The following PAN3 variants were observed in gnomAD, a reference collection of about 807,000 sequenced individuals.
PAN3 encodes PAN2-PAN3 deadenylation complex subunit PAN3.
A neutral mutation model predicts 96.2 loss-of-function variants in PAN3; 19 were observed. The ratio of observed to expected loss-of-function variants is 0.20; its 90% confidence interval spans 0.14 to 0.29. The LOEUF is 0.29. Ranked by LOEUF, PAN3 falls within the 10% of genes least tolerant of loss-of-function variation. The pLI, the probability that PAN3 is intolerant of heterozygous loss-of-function variation, is 1.00. For missense variants in PAN3, 882 were observed against 1,108.1 expected (o/e 0.80, Z 2.90); for synonymous variants, 433 against 406.6 (o/e 1.06, Z -0.78).
chr13:28,202,435 A>G (rs1019954156), intron 5 of PAN3, among the ~76,000 whole-genome samples: 1 of 152,126 alleles, frequency 6.6e-6, no homozygotes, highest in Non-Finnish European at 1.5e-5. Context: ...GATTTATTCT[A>G]CCTATCTGAG....
chr13:28,292,127 G>T (rs1886232), intron 18 of PAN3, among the ~76,000 whole-genome samples: 151,921 of 152,276 alleles, frequency 1, 75,784 homozygotes, highest in Middle Eastern at 1. Context: ...GAAAAATTAT[G>T]GAGCATCAAC....
intron 15 of PAN3, among the ~76,000 whole-genome samples, chr13:28,279,782 A>C (rs968141976): frequency 2.6e-5 from 4 of 151,498 alleles, no homozygotes; most frequent in Non-Finnish European, 5.9e-5. Flanking sequence ...TCTTTCTATT[A>C]ATTTATTTTT....
At chr13:28,221,907 A>T (rs1881453846) in intron 6 of PAN3, among the ~76,000 whole-genome samples, 1 of 152,154 alleles carries the variant, frequency 6.6e-6, no homozygotes, top group Non-Finnish European at 1.5e-5. Context: ...CACATCTTAA[A>T]ATTTCTTAGG....
intron 13 of PAN3, 152 bp from the exon 14 acceptor site, chr13:28,271,829 G>A: frequency 2.1e-6 from 1 of 481,154 alleles, no homozygotes; most frequent in Non-Finnish European, 3.6e-6. Context: ...TTTCTAAAAT[G>A]GTGGTTGGTG....
intron 6 of PAN3, among the ~76,000 whole-genome samples, chr13:28,245,890 T>G (rs1371609284): frequency 6.6e-6 from 1 of 152,152 alleles, no homozygotes; most frequent in African/African-American, 2.4e-5. Context: ...ATTATGTGGA[T>G]ATATCATATT....
At chr13:28,277,925 T>A (rs1887190671) in intron 15 of PAN3, among the ~76,000 whole-genome samples, 1 of 152,194 alleles carries the variant, frequency 6.6e-6, no homozygotes, top group African/African-American at 2.4e-5. Context: ...ATCTTAACGC[T>A]CCAGAGAATC....
At chr13:28,215,632 T>A in intron 5 of PAN3, 1 of 1,216,226 alleles carries the variant, frequency 8.2e-7, no homozygotes. Flanking sequence ...TTTGCTGAGC[T>A]GAAGGTAAAG....
intron 4 of PAN3, among the ~76,000 whole-genome samples, chr13:28,192,411 A>C (rs1208918176): frequency 6.6e-6 from 1 of 152,152 alleles, no homozygotes; most frequent in Non-Finnish European, 1.5e-5. Context: ...TTTTGTTCTC[A>C]AACTTCACCT....
intron 17 of PAN3, among the ~76,000 whole-genome samples, chr13:28,286,295 C>T (rs992489243): frequency 6.6e-6 from 1 of 152,174 alleles, no homozygotes; most frequent in Non-Finnish European, 1.5e-5. Flanking sequence ...ATCCAGCACT[C>T]CTCAGCTCTT....
At chr13:28,189,600 A>G (rs186077460) in intron 4 of PAN3, among the ~76,000 whole-genome samples, 1 of 151,838 alleles carries the variant, frequency 6.6e-6, no homozygotes, top group Non-Finnish European at 1.5e-5. Flanking sequence ...AGGACTTGCG[A>G]TGCTGAATTT....
chr13:28,234,575 A>AGAG, intron 6 of PAN3, among the ~76,000 whole-genome samples: 1 of 152,220 alleles, frequency 6.6e-6, no homozygotes, highest in Non-Finnish European at 1.5e-5. Context: ...AAAATCTCTT[A>AGAG]ATTGCCTTAG....
At chr13:28,228,116 A>G (rs1472625141) in intron 6 of PAN3, among the ~76,000 whole-genome samples, 1 of 152,072 alleles carries the variant, frequency 6.6e-6, no homozygotes, top group Non-Finnish European at 1.5e-5. Flanking sequence ...CAATGTGCCT[A>G]CTCAGTGGAG....
intron 4 of PAN3, among the ~76,000 whole-genome samples, chr13:28,181,236 C>G (rs9319419): frequency 0.46 from 70,276 of 151,906 alleles, 19,895 homozygotes; most frequent in Admixed American, 0.62. Context: ...CAGTCTGTTA[C>G]AATGGCTCAT....
intron 15 of PAN3, 26 bp downstream of exon 15, chr13:28,277,402 T>C: frequency 6.3e-7 from 1 of 1,590,814 alleles, no homozygotes; most frequent in Non-Finnish European, 8.6e-7. Context: ...TGATAAATTG[T>C]ACAGAATGAT....
Position 28,293,426 on chromosome 13 carries a change from G to A in PAN3, c.*904G>A, listed in dbSNP as rs74043705. On this transcript the variant is annotated 3_prime_UTR_variant, in exon 19 of 19. Transcript: ENST00000380958. ...TTTTTTTTTTTTTTTTGGGCGGGGGGGAGGTTTATGAAGTTTTGCTCTTTG... is the reference window on the plus strand; with the variant it reads ...TTTTTTTTTTTTTTTTGGGCGGGGGAGAGGTTTATGAAGTTTTGCTCTTTG... The A allele has an allele frequency of 0.046, 5,970 of 131,172 alleles. 215 individuals are homozygous for A. Among genetic ancestry groups the A allele is most frequent in the South Asian group, 0.1 (379 of 3,792 alleles). The allele number at this position is 131,172 out of a possible 1,614,324, so 8.1% of individuals were successfully genotyped here.
intron 1 of PAN3, 132 bp downstream of exon 1, chr13:28,139,219 C>T (rs867713040): frequency 6.3e-5 from 67 of 1,056,242 alleles, no homozygotes; most frequent in South Asian, 9.3e-5. Flanking sequence ...GTCTGAGAGG[C>T]CTAGGCCGGG....
intron 17 of PAN3, among the ~76,000 whole-genome samples, chr13:28,283,479 G>A (rs2138732365): frequency 6.6e-6 from 1 of 152,168 alleles, no homozygotes; most frequent in African/African-American, 2.4e-5. Flanking sequence ...TCTATTCCCA[G>A]TTTCCCCCAT....
chr13:28,155,702 A>G, intron 1 of PAN3, among the ~76,000 whole-genome samples: 1 of 152,150 alleles, frequency 6.6e-6, no homozygotes, highest in Non-Finnish European at 1.5e-5. Flanking sequence ...AGTATGATAT[A>G]TATATATACA....
intron 12 of PAN3, among the ~76,000 whole-genome samples, chr13:28,267,693 A>G (rs1886299703): frequency 6.6e-6 from 1 of 152,180 alleles, no homozygotes; most frequent in African/African-American, 2.4e-5. Flanking sequence ...AGAGAAGTGA[A>G]TGAGAGCCAA....
Sources: gnomAD v4.1 joint callset for allele counts (sites outside exome capture counted in the v4.1 genomes callset) on GRCh38, gnomAD v4.1.1 for gene constraint, MANE v1.5 for transcripts, NCBI Gene and HGNC (gene_info 2026-07-23, HGNC 2026-07-21) for gene names.